GDF1: variants seen among roughly 807,000 people sequenced by gnomAD.
GDF1 encodes embryonic growth/differentiation factor 1.
GDF1 carries 8 observed loss-of-function variants against 7.4 expected under a neutral mutation model. The observed-to-expected ratio is 1.09, with a 90% CI of 0.64 to 1.96. GDF1 has a LOEUF of 1.96. GDF1 is among the 30% of genes most tolerant of loss of function. The probability of loss-of-function intolerance (pLI) is 0.00; values close to 1 mark genes in which losing one functional copy is unlikely to be tolerated. For synonymous variants in GDF1, 311 were observed against 276.7 expected (o/e 1.12, Z -1.23); for missense variants, 574 against 551.5 (o/e 1.04, Z -0.41).
At chr19:18,888,885 CTT>C (rs1166318704) in intron 2 of GDF1, among the ~76,000 whole-genome samples, 4 of 142,366 alleles carry the variant, frequency 2.8e-5, no homozygotes, top group Non-Finnish European at 6.1e-5. Flanking sequence ...GAATTTCTTT[CTT>C]TCTTTTTTTT....
intron 5 of GDF1, 30 bp from the exon 6 acceptor site, chr19:18,879,069 GAAGA>G: frequency 6.2e-7 from 1 of 1,609,412 alleles, no homozygotes; most frequent in East Asian, 2.2e-5. Context: ...GTGCCAGTGA[GAAGA>G]AAGCCCCCAC....
rs569295030 is a variant in GDF1 at position 18,877,996 on chromosome 19, G to A, written c.-313+934C>T. 9.1e-6 allele frequency: 9 copies of A among 985,484 alleles called. No individual in the cohort carries two copies. In the African/African-American group the frequency reaches 1.4e-4, roughly 15 times the overall value. 61.0% of individuals were successfully genotyped at this position (985,484 alleles called of 1,614,324 possible). On this transcript the variant is annotated intron_variant, in intron 6 of 7. Transcript: ENST00000247005. ...TTCTCCCTTCCAAACAGGGTGGGGG[G>A]TCTGACGCTCCTCTGCCTGGCTACA... is the stretch of plus-strand genomic sequence containing the variant.
At chr19:18,875,090 G>C (rs1225834133) in intron 6 of GDF1, among the ~76,000 whole-genome samples, 1 of 151,964 alleles carries the variant, frequency 6.6e-6, no homozygotes, top group Non-Finnish European at 1.5e-5. Context: ...TTTAAAATTA[G>C]CTGGATATGA....
Position 18,895,755 on chromosome 19 carries a change from G to T in GDF1, c.-1074+69C>A. ...GCTGGAAGAAAGGAACGCGCCGGCG[G>T]CCCCAGGTCCCCGGTCCCGGCTTCC... On this transcript the variant is annotated intron_variant, in intron 1 of 7. Coordinates refer to ENST00000247005, the MANE Select transcript of GDF1 (RefSeq NM_001492.6). This position sits in a 1 kb window ranked among gnomAD's most constrained non-coding sequence, Gnocchi z 6.4. 1.1e-6 allele frequency: 1 copy of T among 883,410 alleles called. No homozygotes were observed. The highest frequency in any genetic ancestry group is 1.4e-6 in the Non-Finnish European group (1 of 691,598). The allele number at this position is 883,410 out of a possible 1,614,324, so 54.7% of individuals were successfully genotyped here.
chr19:18,868,699 G>C lies in GDF1; in HGVS notation c.1017C>G (p.Pro339=), dbSNP rs1341281240. 2.6e-6 allele frequency: 4 copies of C among 1,556,840 alleles called. No homozygotes were observed. In the Admixed American group the frequency reaches 5.7e-5, roughly 22 times the overall value. ...PGAADLPCCV[P]ARLSPISVLF... is the part of the protein sequence containing the mutation. ...GCACGGAGATGGGCGACAGGCGCGC[G>C]GGCACGCAGCAGGGCAGGTCGGCGG... Residue 339 remains proline, a synonymous_variant, in exon 8 of 8, where the codon CCC becomes CCG. Coordinates refer to ENST00000247005, the MANE Select transcript of GDF1 (RefSeq NM_001492.6).
At position 18,877,982 on chromosome 19, in the gene GDF1, A is replaced by C. The variant is rs1306021809; in HGVS notation, c.-313+948T>G. 8 of 985,302 alleles carry C rather than the reference A, an allele frequency of 8.1e-6. No individual in the cohort carries two copies. The East Asian group carries it at 3.4e-4, about 42-fold the overall frequency. 61.0% of individuals were successfully genotyped at this position (985,302 alleles called of 1,614,324 possible). A position where few individuals can be genotyped will look rare whatever the true frequency, so the allele number is the denominator to read the frequency against. On this transcript the variant is annotated intron_variant, in intron 6 of 7. Transcript: ENST00000247005. Reference sequence around the variant, plus strand: ...GCGAATCTGATGGGTTCTCCCTTCCAAACAGGGTGGGGGGTCTGACGCTCC... The same window carrying C: ...GCGAATCTGATGGGTTCTCCCTTCCCAACAGGGTGGGGGGTCTGACGCTCC...
intron 4 of GDF1, 110 bp from the exon 5 acceptor site, chr19:18,879,498 C>A: frequency 7.9e-7 from 1 of 1,259,322 alleles, no homozygotes; most frequent in Non-Finnish European, 1.1e-6. Context: ...CATCCTTGCC[C>A]ACCTCTGCCC....
At chr19:18,894,493 G>A (rs774417523) in intron 1 of GDF1, among the ~76,000 whole-genome samples, 3 of 152,126 alleles carry the variant, frequency 2.0e-5, no homozygotes, top group African/African-American at 7.2e-5. Flanking sequence ...GAAATGGGGC[G>A]AGCACCCCAC....
At chr19:18,880,635 C>T (rs1446359669) in intron 3 of GDF1, among the ~76,000 whole-genome samples, 200 bp from the exon 4 acceptor site, 1 of 152,004 alleles carries the variant, frequency 6.6e-6, no homozygotes, top group Non-Finnish European at 1.5e-5. Flanking sequence ...CTTAGCCGTG[C>T]ACCCCCAACC....
chr19:18,875,765 T>C (rs775797242), intron 6 of GDF1, among the ~76,000 whole-genome samples: 12 of 152,050 alleles, frequency 7.9e-5, no homozygotes, highest in Non-Finnish European at 1.5e-4. Context: ...ATAAGTGTCC[T>C]TATGAGAGAG....
rs550389590 is a variant in GDF1 at position 18,884,386 on chromosome 19, G to GT, written c.-913-120dup. Reference sequence around the variant, plus strand: ...TCCCAGTACCCAGGTAACCATGCGTGTCTGACTGCTGGCTTTCCATTCCCA... The same window carrying GT: ...TCCCAGTACCCAGGTAACCATGCGTGTTCTGACTGCTGGCTTTCCATTCCCA... On this transcript the variant is annotated intron_variant, in intron 2 of 7. Transcript: ENST00000247005. 628 of 891,246 alleles carry GT rather than the reference G, an allele frequency of 7.0e-4. 5 individuals are homozygous for GT. Among genetic ancestry groups the GT allele is most frequent in the Middle Eastern group, 1.4e-3 (4 of 2,812 alleles). The allele number at this position is 891,246 out of a possible 1,614,324, so 55.2% of individuals were successfully genotyped here. A position where few individuals can be genotyped will look rare whatever the true frequency, so the allele number is the denominator to read the frequency against.
At position 18,868,618 on chromosome 19, in the gene GDF1, C is replaced by A; in HGVS notation, c.1098G>T (p.Val366=). 6.4e-7 allele frequency: 1 copy of A among 1,567,378 alleles called. No homozygotes were observed. The highest frequency in any genetic ancestry group is 1.4e-5 in the African/African-American group (1 of 74,000). Residue 366 remains valine (V), a synonymous_variant, in exon 8 of 8, where the codon GTG becomes GTT. Coordinates refer to ENST00000247005, the MANE Select transcript of GDF1 (RefSeq NM_001492.6). ...VVLRQYEDMV[V]DECGCR Reference sequence around the variant, plus strand: ...CGGGTTAGCGGCAGCCGCACTCGTCCACCACCATGTCCTCATACTGCCGCA... The same window carrying A: ...CGGGTTAGCGGCAGCCGCACTCGTCAACCACCATGTCCTCATACTGCCGCA...
In GDF1 at chr19:18,895,775, G is replaced by A; in HGVS notation, c.-1074+49C>T. The A allele has an allele frequency of 9.3e-7, 1 of 1,074,368 alleles. No individual in the cohort carries two copies. Among genetic ancestry groups the A allele is most frequent in the Non-Finnish European group, 1.2e-6 (1 of 857,036 alleles). The allele number at this position is 1,074,368 out of a possible 1,614,324, so 66.6% of individuals were successfully genotyped here. ...CGGCGGCCCCAGGTCCCCGGTCCCG[G>A]CTTCCCCCAGTCCGGGGTCCCCTCG... On this transcript the variant is annotated intron_variant, in intron 1 of 7. Coordinates refer to ENST00000247005, the MANE Select transcript of GDF1 (RefSeq NM_001492.6). This position sits in a 1 kb window ranked among gnomAD's most constrained non-coding sequence, Gnocchi z 6.4.
chr19:18,875,892 G>A (rs2056052354), intron 6 of GDF1, among the ~76,000 whole-genome samples: 1 of 152,190 alleles, frequency 6.6e-6, no homozygotes, highest in Admixed American at 6.5e-5. Context: ...GGCAAGGAGG[G>A]GATCCTCGCT....
chr19:18,893,372 T>G (rs1468761525), intron 2 of GDF1, 44 bp downstream of exon 2: 1 of 1,552,890 alleles, frequency 6.4e-7, no homozygotes. Flanking sequence ...GGCGTCTTTG[T>G]GTTTTAAGCA....
intron 3 of GDF1, among the ~76,000 whole-genome samples, chr19:18,882,268 C>A (rs1277990066): frequency 6.6e-6 from 1 of 152,174 alleles, no homozygotes; most frequent in African/African-American, 2.4e-5. Flanking sequence ...AGCCACCAGC[C>A]ACTTGTGGCC....
chr19:18,884,795 C>A (rs1253059173), intron 2 of GDF1, among the ~76,000 whole-genome samples: 3 of 138,918 alleles, frequency 2.2e-5, no homozygotes, highest in Non-Finnish European at 3.0e-5. Context: ...CTCACTGCAA[C>A]CTCCACCTCC....
intron 3 of GDF1, among the ~76,000 whole-genome samples, chr19:18,880,985 CA>C (rs1363582543): frequency 2.0e-5 from 3 of 152,116 alleles, no homozygotes; most frequent in Non-Finnish European, 4.4e-5. Flanking sequence ...AGGCGCGAGC[CA>C]CTGTGCCCGG....
intron 2 of GDF1, among the ~76,000 whole-genome samples, chr19:18,888,620 C>T (rs1568304771): frequency 1.3e-5 from 2 of 150,386 alleles, no homozygotes; most frequent in Admixed American, 6.7e-5. Flanking sequence ...CACCTGAAGT[C>T]GGGAGTTCAA....
Sources: gnomAD v4.1 joint callset for allele counts (sites outside exome capture counted in the v4.1 genomes callset) on GRCh38, gnomAD v4.1.1 for gene constraint, Gnocchi (gnomAD v3.1) non-coding constraint, MANE v1.5 for transcripts, NCBI Gene and HGNC (gene_info 2026-07-23, HGNC 2026-07-21) for gene names.